The following CACNA2D3 variants were observed in gnomAD, a reference collection of about 807,000 sequenced individuals.
CACNA2D3 encodes the protein calcium voltage-gated channel auxiliary subunit alpha2delta 3.
Under a neutral mutation model 160.6 loss-of-function variants are expected in CACNA2D3, and 60 were observed. The observed-to-expected ratio is 0.37, with a 90% confidence interval of 0.30 to 0.46. The LOEUF is 0.46. CACNA2D3 is among the 20% of genes least tolerant of loss of function. The pLI is 1.00. For missense variants in CACNA2D3, 1,205 were observed against 1,365.0 expected, an observed-to-expected ratio of 0.88 and a Z score of 1.85; for synonymous variants, 558 against 492.9, an observed-to-expected ratio of 1.13 and a Z score of -1.75.
intron 13 of CACNA2D3, among the ~76,000 whole-genome samples, chr3:54,814,185 C>G (rs556779947): frequency 1.2e-3 from 188 of 152,256 alleles, no homozygotes; most frequent in Admixed American, 6.9e-3. Flanking sequence ...AAAATTCTTT[C>G]CAGTGAAACT....
At chr3:54,176,749 T>G (rs769945597) in intron 2 of CACNA2D3, among the ~76,000 whole-genome samples, 126 of 152,186 alleles carry the variant, frequency 8.3e-4, no homozygotes, top group Non-Finnish European at 1.5e-3. Flanking sequence ...TTTAAAGCCT[T>G]CCTTTGTTGA....
At chr3:54,774,630 T>C (rs944897442) in intron 13 of CACNA2D3, among the ~76,000 whole-genome samples, 9 of 39,426 alleles carry the variant, frequency 2.3e-4, no homozygotes, top group African/African-American at 4.4e-4. Flanking sequence ...TCTTTGACTA[T>C]TTTTTTTTTT....
chr3:54,963,203 T>C (rs1702071275), intron 27 of CACNA2D3, among the ~76,000 whole-genome samples: 1 of 152,202 alleles, frequency 6.6e-6, no homozygotes, highest in Non-Finnish European at 1.5e-5. Flanking sequence ...GTCCAGGTTG[T>C]CTCACGCTGG....
chr3:54,659,627 T>C (rs1006852218), intron 11 of CACNA2D3, among the ~76,000 whole-genome samples: 2 of 152,074 alleles, frequency 1.3e-5, no homozygotes, highest in African/African-American at 4.8e-5. Context: ...GTGTCCTGAA[T>C]TTTGAATGGT....
chr3:54,596,656 G>A (rs1242375611), intron 9 of CACNA2D3, among the ~76,000 whole-genome samples: 1 of 151,832 alleles, frequency 6.6e-6, no homozygotes, highest in Non-Finnish European at 1.5e-5. Flanking sequence ...CCCACCCCTG[G>A]TCTCCACCAG....
chr3:54,497,139 A>G (rs1037345769), intron 4 of CACNA2D3, among the ~76,000 whole-genome samples: 5 of 152,060 alleles, frequency 3.3e-5, no homozygotes, highest in Non-Finnish European at 7.4e-5. Context: ...TTCAATTTAT[A>G]TTAAAAATGC....
intron 14 of CACNA2D3, among the ~76,000 whole-genome samples, chr3:54,830,753 A>G (rs1040106455): frequency 6.6e-6 from 1 of 152,178 alleles, no homozygotes; most frequent in Non-Finnish European, 1.5e-5. Context: ...CTGGGATTAC[A>G]GGCGTGAGTC....
chr3:54,278,672 A>G (rs895202832), intron 2 of CACNA2D3, among the ~76,000 whole-genome samples: 1 of 152,214 alleles, frequency 6.6e-6, no homozygotes, highest in African/African-American at 2.4e-5. Context: ...GAATGAGTTC[A>G]TGTCCTTTGC....
At chr3:54,747,583 A>C (rs946117061) in intron 11 of CACNA2D3, among the ~76,000 whole-genome samples, 1 of 152,254 alleles carries the variant, frequency 6.6e-6, no homozygotes, top group East Asian at 1.9e-4. Context: ...CTCCTGAAAA[A>C]AAAGGAAAAG....
chr3:54,500,525 C>CTTCT (rs1701275585), intron 4 of CACNA2D3, among the ~76,000 whole-genome samples: 2 of 147,836 alleles, frequency 1.4e-5, no homozygotes, highest in East Asian at 2.0e-4. Flanking sequence ...TCCTTCCTTC[C>CTTCT]TTCCTTCCTT....
At chr3:54,211,979 A>AGGG in intron 2 of CACNA2D3, among the ~76,000 whole-genome samples, 1 of 152,184 alleles carries the variant, frequency 6.6e-6, no homozygotes, top group East Asian at 1.9e-4. Flanking sequence ...ACTGCAGAGA[A>AGGG]GGGACAGAAA....
intron 13 of CACNA2D3, among the ~76,000 whole-genome samples, chr3:54,766,902 AAAG>A (rs200680260): frequency 0.011 from 1,671 of 151,686 alleles, 23 homozygotes; most frequent in Non-Finnish European, 0.016. Context: ...AATGAGGAAA[AAAG>A]AAGATAGATA....
chr3:55,022,595 CTTCT>C (rs567978577), intron 35 of CACNA2D3, among the ~76,000 whole-genome samples: 154 of 121,908 alleles, frequency 1.3e-3, no homozygotes, highest in African/African-American at 5.0e-3. Flanking sequence ...TCCTTTTTTC[CTTCT>C]TTCTTTCCTT....
intron 13 of CACNA2D3, among the ~76,000 whole-genome samples, chr3:54,789,617 C>T (rs1702708431): frequency 6.6e-6 from 1 of 152,090 alleles, no homozygotes; most frequent in Non-Finnish European, 1.5e-5. Flanking sequence ...CTTGCTTTCT[C>T]TCCTCTTAAT....
intron 4 of CACNA2D3, among the ~76,000 whole-genome samples, chr3:54,485,125 A>G (rs939945290): frequency 3.3e-5 from 5 of 152,144 alleles, no homozygotes; most frequent in Non-Finnish European, 7.4e-5. Flanking sequence ...GATTACAGGC[A>G]TGAGCCACCG....
At chr3:54,790,131 C>T (rs1351361186) in intron 13 of CACNA2D3, among the ~76,000 whole-genome samples, 3 of 152,146 alleles carry the variant, frequency 2.0e-5, no homozygotes, top group African/African-American at 7.2e-5. Context: ...CCAGAGGACC[C>T]GGTTTCAAAT....
intron 5 of CACNA2D3, among the ~76,000 whole-genome samples, chr3:54,516,024 T>C (rs1701544821): frequency 6.6e-6 from 1 of 152,210 alleles, no homozygotes; most frequent in Non-Finnish European, 1.5e-5. Context: ...AGATCCATTG[T>C]CAAAGGCCAC....
chr3:54,769,363 C>T (rs1247380398), intron 13 of CACNA2D3, among the ~76,000 whole-genome samples: 2 of 152,260 alleles, frequency 1.3e-5, no homozygotes, highest in African/African-American at 2.4e-5. Context: ...TGATGATTGA[C>T]TCCATTTTAG....
intron 3 of CACNA2D3, among the ~76,000 whole-genome samples, chr3:54,356,732 A>G (rs1575412900): frequency 1.3e-5 from 2 of 152,200 alleles, no homozygotes; most frequent in East Asian, 1.9e-4. Flanking sequence ...TTTATTGAAA[A>G]TGGGCCATAT....
Sources: gnomAD v4.1 joint callset for allele counts (sites outside exome capture counted in the v4.1 genomes callset) on GRCh38, gnomAD v4.1.1 for gene constraint, MANE v1.5 for transcripts, NCBI Gene and HGNC (gene_info 2026-07-23, HGNC 2026-07-21) for gene names.